Variants in SLC23A2 observed in about 807,000 individuals in gnomAD.
SLC23A2 encodes the protein solute carrier family 23 member 2.
Under a neutral mutation model 73.3 loss-of-function variants are expected in SLC23A2, and 36 were observed. The observed-to-expected ratio is 0.49, with a 90% CI of 0.38 to 0.65. The LOEUF (loss-of-function observed/expected upper bound fraction) is 0.65. SLC23A2 is among the 30% of genes least tolerant of loss of function. The pLI is 0.00. For synonymous variants in SLC23A2, 343 were observed against 327.3 expected (o/e 1.05, Z -0.52); for missense variants, 507 against 841.6 (o/e 0.60, Z 4.92).
rs144233157 is a variant in SLC23A2 at position 4,967,933 on chromosome 20, C to A, written c.-155+2860G>T. Among the ~76,000 whole-genome samples the A allele has an allele frequency of 2.2e-4, 33 of 152,290 alleles. No homozygotes were observed. The East Asian group carries it at 6.4e-3, about 29-fold the overall frequency. ...TTATTAATGACAAAAACGAAAGGTA[C>A]GAGCAAGCCTCCTCTTTTCTCAGTT... On this transcript the variant is annotated intron_variant, in intron 2 of 16. Transcript: ENST00000338244.
At chr20:5,005,126 C>CT (rs1002134891), upstream of SLC23A2, among the ~76,000 whole-genome samples, 301 of 147,702 alleles carry the variant, frequency 2.0e-3, no homozygotes, top group African/African-American at 6.4e-3. Flanking sequence ...TCTTTTTCTT[C>CT]TTTTTTTTTT....
Position 4,856,913 on chromosome 20 carries a change from T to C in SLC23A2, c.*59A>G, listed in dbSNP as rs148350851. On this transcript the variant is annotated 3_prime_UTR_variant, in exon 17 of 17. Coordinates refer to ENST00000338244, the MANE Select transcript of SLC23A2 (RefSeq NM_005116.6). This position sits in a 1 kb window ranked among gnomAD's most constrained non-coding sequence, Gnocchi z 4.6. ...AAACATGTATTTTACTTCTTGTTAC[T>C]CAGCAAGGAACTACAGATACATGCC... is the stretch of plus-strand genomic sequence containing the variant. The C allele has an allele frequency of 1.0e-3, 1,108 of 1,067,312 alleles. 10 individuals are homozygous for C. Among genetic ancestry groups the C allele is most frequent in the East Asian group, 8.0e-3 (337 of 42,242 alleles). 66.1% of individuals were successfully genotyped at this position (1,067,312 alleles called of 1,614,324 possible).
chr20:4,973,469 A>G (rs202214584), intron 1 of SLC23A2, among the ~76,000 whole-genome samples: 3 of 134,640 alleles, frequency 2.2e-5, no homozygotes, highest in African/African-American at 8.2e-5. Context: ...GGAAGGACTT[A>G]ACTACTGCAC....
intron 3 of SLC23A2, among the ~76,000 whole-genome samples, chr20:4,927,146 T>C: frequency 6.6e-6 from 1 of 152,152 alleles, no homozygotes; most frequent in South Asian, 2.1e-4. Flanking sequence ...TATGGAGTAC[T>C]TGACGAGTGC....
intron 6 of SLC23A2, among the ~76,000 whole-genome samples, chr20:4,889,501 T>C (rs1203857481): frequency 6.6e-6 from 1 of 151,840 alleles, no homozygotes; most frequent in African/African-American, 2.4e-5. Flanking sequence ...ATTCTCAGTC[T>C]TGAAGGAACC....
At chr20:4,969,764 A>G (rs2122218316) in intron 2 of SLC23A2, among the ~76,000 whole-genome samples, 1 of 152,110 alleles carries the variant, frequency 6.6e-6, no homozygotes, top group East Asian at 1.9e-4. Flanking sequence ...AGTATCTGAG[A>G]GAATGTATCG....
At chr20:4,887,333 G>A (rs534357176) in intron 6 of SLC23A2, among the ~76,000 whole-genome samples, 2 of 152,246 alleles carry the variant, frequency 1.3e-5, no homozygotes, top group African/African-American at 4.8e-5. Flanking sequence ...AAAGGACAGC[G>A]TGTAATTAGG....
chr20:4,934,074 G>A (rs1628664), intron 2 of SLC23A2, among the ~76,000 whole-genome samples: 16,881 of 152,252 alleles, frequency 0.11, 1,312 homozygotes, highest in African/African-American at 0.22. Flanking sequence ...CTGCCAGAAC[G>A]TGAAGTTCCA....
In SLC23A2 at chr20:4,915,061, A is replaced by T. The variant is rs1035002463; in HGVS notation, c.109-2083T>A. Among the ~76,000 whole-genome samples the T allele has an allele frequency of 1.4e-4, 16 of 117,488 alleles. No homozygotes were observed. In the East Asian group the frequency reaches 2.5e-3, roughly 18 times the overall value. The allele number at this position is 117,488 out of a possible 152,430, so 77.1% of individuals were successfully genotyped here. ...TAAATAGCTAGCTGATGTACTAATT[A>T]AAAAAAAACTCCAAGAAATACTGTT... On this transcript the variant is annotated intron_variant, in intron 3 of 16. Coordinates refer to ENST00000338244, the MANE Select transcript of SLC23A2 (RefSeq NM_005116.6).
chr20:4,953,378 AT>A (rs1159771083), intron 2 of SLC23A2, among the ~76,000 whole-genome samples: 2 of 152,138 alleles, frequency 1.3e-5, no homozygotes, highest in Non-Finnish European at 2.9e-5. Flanking sequence ...AAAAGATTAC[AT>A]TAATAAAGAC....
intron 3 of SLC23A2, among the ~76,000 whole-genome samples, chr20:4,916,610 A>G (rs1932330715): frequency 6.6e-6 from 1 of 152,208 alleles, no homozygotes; most frequent in Non-Finnish European, 1.5e-5. Flanking sequence ...TGAGTTAGCA[A>G]TTCCTACTGC....
At chr20:4,890,176 A>G (rs947611032) in intron 6 of SLC23A2, among the ~76,000 whole-genome samples, 1 of 152,200 alleles carries the variant, frequency 6.6e-6, no homozygotes, top group African/African-American at 2.4e-5. Flanking sequence ...GGCTTCCTTC[A>G]TCTACCAAGA....
Position 4,863,052 on chromosome 20 carries a change from G to T in SLC23A2, c.1357-145C>A. On this transcript the variant is annotated intron_variant, in intron 13 of 16. Coordinates refer to ENST00000338244, the MANE Select transcript of SLC23A2 (RefSeq NM_005116.6). The surrounding 1 kb of genome is among the most constrained non-coding windows in gnomAD (Gnocchi z 4.8). ...TCAGCCCACTCTTCTCACCTCCACT[G>T]TGGGGACCCTGAGGGCCGCCCTCTG... 1 of 757,180 alleles carries T rather than the reference G, an allele frequency of 1.3e-6. No homozygotes were observed. The highest frequency in any genetic ancestry group is 2.1e-6 in the Non-Finnish European group (1 of 480,018). 46.9% of individuals were successfully genotyped at this position (757,180 alleles called of 1,614,324 possible). A position where few individuals can be genotyped will look rare whatever the true frequency, so the allele number is the denominator to read the frequency against.
At chr20:4,864,779 T>C (rs6107542) in intron 13 of SLC23A2, among the ~76,000 whole-genome samples, 19,360 of 152,088 alleles carry the variant, frequency 0.13, 1,308 homozygotes, top group African/African-American at 0.17. Flanking sequence ...GAGATGGTCC[T>C]GAGGGGTGAG....
At chr20:4,864,596 G>A (rs1260928021) in intron 13 of SLC23A2, among the ~76,000 whole-genome samples, 1 of 152,198 alleles carries the variant, frequency 6.6e-6, no homozygotes, top group Non-Finnish European at 1.5e-5. Context: ...AAACATTTTC[G>A]AGGAACTATG....
chr20:5,002,435 A>G (rs534990074), upstream of SLC23A2, among the ~76,000 whole-genome samples: 12 of 152,320 alleles, frequency 7.9e-5, no homozygotes, highest in Non-Finnish European at 1.5e-4. Flanking sequence ...AACACCTTCC[A>G]TCTTGAAACC....
intron 2 of SLC23A2, among the ~76,000 whole-genome samples, chr20:4,946,571 C>T (rs1399301290): frequency 1.3e-5 from 2 of 152,218 alleles, no homozygotes; most frequent in African/African-American, 2.4e-5. Flanking sequence ...AGAATGGGCT[C>T]TGCCTACAGA....
rs139798246 is a variant in SLC23A2 at position 4,981,266 on chromosome 20, C to T, written c.-281-10347G>A. Among the ~76,000 whole-genome samples the T allele has an allele frequency of 4.6e-5, 7 of 152,280 alleles. No homozygotes were observed. In the East Asian group the frequency reaches 7.7e-4, roughly 17 times the overall value. On this transcript the variant is annotated intron_variant, in intron 1 of 16. Coordinates refer to ENST00000338244, the MANE Select transcript of SLC23A2 (RefSeq NM_005116.6). ...GAGAACTGCATCACAGGTCATATTA[C>T]GTTAAAAGAAAGTGCACGAACAGAC... is the stretch of plus-strand genomic sequence containing the variant.
chr20:4,996,611 G>A (rs970337771), intron 1 of SLC23A2, among the ~76,000 whole-genome samples: 3 of 150,056 alleles, frequency 2.0e-5, no homozygotes, highest in Non-Finnish European at 4.4e-5. Context: ...CCTTGAACCC[G>A]GGAGGCAGAA....
Sources: gnomAD v4.1 joint callset for allele counts (sites outside exome capture counted in the v4.1 genomes callset) on GRCh38, gnomAD v4.1.1 for gene constraint, Gnocchi (gnomAD v3.1) non-coding constraint, MANE v1.5 for transcripts, NCBI Gene and HGNC (gene_info 2026-07-23, HGNC 2026-07-21) for gene names.